The following RIPOR2 variants were observed in gnomAD, a reference collection of about 807,000 sequenced individuals.
The protein encoded by RIPOR2 is rho family-interacting cell polarization regulator 2.
A neutral mutation model predicts 114.5 loss-of-function variants in RIPOR2; 39 were observed. The ratio of observed to expected loss-of-function variants is 0.34; its 90% CI spans 0.26 to 0.44. The LOEUF (loss-of-function observed/expected upper bound fraction) is 0.44. RIPOR2 is among the 20% of genes least tolerant of loss of function. The probability of loss-of-function intolerance (pLI) is 1.00; values close to 1 mark genes in which losing one functional copy is unlikely to be tolerated. For synonymous variants in RIPOR2, 445 were observed against 484.4 expected (o/e 0.92, Z 1.07); for missense variants, 1,007 against 1,255.1 (o/e 0.80, Z 2.99).
In RIPOR2 at chr6:24,852,168, A is replaced by G. The variant is rs541551746; in HGVS notation, c.759+407T>C. Reference sequence around the variant, plus strand: ...TCCCAGCTACTCCAGAGGCCGAGGCAGGAGAATCGCTTGAATCCAGGTGGC... The same window carrying G: ...TCCCAGCTACTCCAGAGGCCGAGGCGGGAGAATCGCTTGAATCCAGGTGGC... On this transcript the variant is annotated intron_variant, in intron 9 of 21. Coordinates refer to ENST00000643898, the MANE Select transcript of RIPOR2 (RefSeq NM_001286445.3). 2.0e-3 allele frequency among the ~76,000 whole-genome samples: 309 copies of G among 152,304 alleles called. 1 individual carries two copies. Among genetic ancestry groups the G allele is most frequent in the Non-Finnish European group, 3.9e-3 (265 of 68,032 alleles).
chr6:24,869,089 G>A lies in RIPOR2; in HGVS notation c.501+5C>T. The A allele has an allele frequency of 4.5e-6, 7 of 1,540,940 alleles. No individual in the cohort carries two copies. Among genetic ancestry groups the A allele is most frequent in the Non-Finnish European group, 6.2e-6 (7 of 1,121,154 alleles). ...ACAGGCAATGAGAACAGGAATTTCA[G>A]TTACCTTACTTATATGAAACTCCAG... On this transcript the variant is annotated splice_donor_5th_base_variant and intron_variant, in intron 6 of 21. Coordinates refer to ENST00000643898, the MANE Select transcript of RIPOR2 (RefSeq NM_001286445.3).
chr6:24,852,482 A>G (rs892685906), intron 9 of RIPOR2, 93 bp downstream of exon 9: 15 of 1,013,380 alleles, frequency 1.5e-5, no homozygotes, highest in Non-Finnish European at 2.3e-5. Context: ...TTAAAAAAAA[A>G]AAAGACAACT....
chr6:24,975,800 G>T (rs757138785), intron 1 of RIPOR2, among the ~76,000 whole-genome samples: 1 of 151,966 alleles, frequency 6.6e-6, no homozygotes, highest in Non-Finnish European at 1.5e-5. Flanking sequence ...CAATGTGTCC[G>T]TATATTGAAA....
At chr6:25,033,882 C>T (rs1777117187) in intron 1 of RIPOR2, among the ~76,000 whole-genome samples, 1 of 151,798 alleles carries the variant, frequency 6.6e-6, no homozygotes, top group Non-Finnish European at 1.5e-5. Flanking sequence ...GGTTTTTTGA[C>T]TGAGGATATT....
chr6:24,857,569 G>T (rs189878071), intron 8 of RIPOR2, among the ~76,000 whole-genome samples: 76 of 152,186 alleles, frequency 5.0e-4, no homozygotes, highest in African/African-American at 1.8e-3. Context: ...GTTCTATGAT[G>T]ATCTTTCCTT....
At chr6:24,977,960 C>T (rs1774141572) in intron 1 of RIPOR2, among the ~76,000 whole-genome samples, 1 of 152,090 alleles carries the variant, frequency 6.6e-6, no homozygotes, top group African/African-American at 2.4e-5. Context: ...GCAGTCAGGG[C>T]CAGGTGTTTA....
At position 24,825,231 on chromosome 6, in the gene RIPOR2, C is replaced by T. The variant is rs1215420570; in HGVS notation, c.2863G>A (p.Glu955Lys). Residue 955 changes from glutamate to lysine, a missense_variant, in exon 19 of 22, where the codon GAA (glutamate) becomes AAA (lysine). By Grantham distance (56) the Glu-to-Lys change is moderately conservative. Coordinates refer to ENST00000643898, the MANE Select transcript of RIPOR2 (RefSeq NM_001286445.3). ...AAASKNQHFR[E>K]KALLYYCEAL... ...GCCATGGTTTAGTGTCTTACCTTTT[C>T]CCTGAAATGCTGATTTTTGGAGGCT... 3 of 1,550,190 alleles carry T rather than the reference C, an allele frequency of 1.9e-6. No individual in the cohort carries two copies. Among genetic ancestry groups the T allele is most frequent in the African/African-American group, 1.4e-5 (1 of 73,128 alleles).
At position 24,837,182 on chromosome 6, in the gene RIPOR2, G is replaced by GCTCGAT. The variant is rs761720389; in HGVS notation, c.2040-1317_2040-1312dup. On this transcript the variant is annotated intron_variant, in intron 14 of 21. Transcript: ENST00000643898. The stretch of plus-strand genomic sequence containing the variant: ...CTGCCACCCAGGTTGGAGTGCAGTG[G>GCTCGAT]CTCGATCTCAACTCACTGCAACCTC... Among the ~76,000 whole-genome samples, 12 of 152,204 alleles carry GCTCGAT rather than the reference G, an allele frequency of 7.9e-5. No homozygotes were observed. In the East Asian group the frequency reaches 1.9e-3, roughly 24 times the overall value.
At chr6:25,036,859 A>G (rs927770728) in intron 1 of RIPOR2, among the ~76,000 whole-genome samples, 5 of 152,054 alleles carry the variant, frequency 3.3e-5, no homozygotes, top group Non-Finnish European at 7.4e-5. Flanking sequence ...GTTTTTCCCT[A>G]GTGTATCTGT....
At chr6:25,019,396 C>T (rs957338525) in intron 1 of RIPOR2, among the ~76,000 whole-genome samples, 2 of 152,136 alleles carry the variant, frequency 1.3e-5, no homozygotes, top group African/African-American at 2.4e-5. Flanking sequence ...TAGGATCAAA[C>T]ATAAAGCAGC....
At chr6:24,835,926 T>C in intron 14 of RIPOR2, 55 bp from the exon 15 acceptor site, 3 of 1,524,900 alleles carry the variant, frequency 2.0e-6, no homozygotes, top group Non-Finnish European at 2.7e-6. Flanking sequence ...AAACCACAGG[T>C]CAAGTCCACA....
At chr6:24,828,005 A>T in intron 18 of RIPOR2, 132 bp downstream of exon 18, 1 of 726,944 alleles carries the variant, frequency 1.4e-6, no homozygotes, top group South Asian at 3.0e-5. Context: ...AAAGTCACTT[A>T]AAAGGCAAAT....
chr6:24,870,610 G>A (rs3763224), intron 5 of RIPOR2, among the ~76,000 whole-genome samples: 2,220 of 152,262 alleles, frequency 0.015, 42 homozygotes, highest in African/African-American at 0.044. Flanking sequence ...GGCTTCAGGT[G>A]ATCCTCCCAC....
chr6:25,001,493 C>T (rs971149648), intron 1 of RIPOR2, among the ~76,000 whole-genome samples: 17 of 151,512 alleles, frequency 1.1e-4, no homozygotes, highest in South Asian at 2.1e-4. Flanking sequence ...GGCGCGGTGG[C>T]GGGCACCTGT....
intron 1 of RIPOR2, among the ~76,000 whole-genome samples, chr6:24,893,394 T>C (rs1446071982): frequency 2.0e-5 from 3 of 152,168 alleles, no homozygotes; most frequent in Non-Finnish European, 2.9e-5. Flanking sequence ...TTACCCCCTT[T>C]ATGGAGCACT....
chr6:24,982,688 C>T (rs181169526), intron 1 of RIPOR2, among the ~76,000 whole-genome samples: 408 of 152,192 alleles, frequency 2.7e-3, no homozygotes, highest in Non-Finnish European at 4.8e-3. Context: ...ATTCGTTTGT[C>T]AGATAGTCAT....
In RIPOR2 at chr6:24,858,921, C is replaced by T. The variant is rs1379557577; in HGVS notation, c.715+2052G>A. Among the ~76,000 whole-genome samples the T allele has an allele frequency of 6.6e-6, 1 of 152,148 alleles. No homozygotes were observed. The highest frequency in any genetic ancestry group is 2.4e-5 in the African/African-American group (1 of 41,422). ...GATCTGGTCCGAGGGTGGTCCCTTT[C>T]CTCCCCATCCCACTCCTAGGGTGTC... is the stretch of plus-strand genomic sequence containing the variant. On this transcript the variant is annotated intron_variant, in intron 8 of 21. Transcript: ENST00000643898. The surrounding 1 kb of genome is among the most constrained non-coding windows in gnomAD (Gnocchi z 4.0).
chr6:24,927,284 C>CCAT (rs139172988), intron 1 of RIPOR2, among the ~76,000 whole-genome samples: 10,367 of 34,590 alleles, frequency 0.3, 3,706 homozygotes, highest in African/African-American at 0.61. Context: ...ATCACCACCA[C>CCAT]CACCACCACC....
chr6:24,865,375 C>T lies in RIPOR2; in HGVS notation c.577G>A (p.Ala193Thr), dbSNP rs779460974. Residue 193 changes from alanine to threonine, a missense_variant, in exon 7 of 22, where the codon GCA becomes ACA. Physicochemically the swap from Ala to Thr is moderately conservative, Grantham distance 58. Coordinates refer to ENST00000643898, the MANE Select transcript of RIPOR2 (RefSeq NM_001286445.3). ...DGASKMKQAF[A>T]TSPASKAARE... is the part of the protein sequence containing the mutation. Reference sequence around the variant, plus strand: ...GCAGCTTTGCTGGCAGGGGATGTTGCGAAGGCTTGCTTCATTTTGCTGGCA... The same window carrying T: ...GCAGCTTTGCTGGCAGGGGATGTTGTGAAGGCTTGCTTCATTTTGCTGGCA... 1.2e-5 allele frequency: 19 copies of T among 1,613,376 alleles called. No individual in the cohort carries two copies. The East Asian group carries it at 1.8e-4, about 15-fold the overall frequency.
Sources: gnomAD v4.1 joint callset for allele counts (sites outside exome capture counted in the v4.1 genomes callset) on GRCh38, gnomAD v4.1.1 for gene constraint, Gnocchi (gnomAD v3.1) non-coding constraint, MANE v1.5 for transcripts, NCBI Gene and HGNC (gene_info 2026-07-23, HGNC 2026-07-21) for gene names.